SLC25A26: variants seen among roughly 807,000 people sequenced by gnomAD.
SLC25A26 encodes the protein mitochondrial S-adenosylmethionine carrier protein.
In SLC25A26, 36 loss-of-function variants were observed where a neutral mutation model predicts 37.8. That is an observed-to-expected ratio of 0.95 (90% CI 0.73 to 1.26). The LOEUF (loss-of-function observed/expected upper bound fraction) is 1.26. SLC25A26 is among the 50% of genes most tolerant of loss of function. SLC25A26 has a pLI of 0.00. For missense variants in SLC25A26, 390 were observed against 331.1 expected, an observed-to-expected ratio of 1.18 and a Z score of -1.38; for synonymous variants, 129 against 122.5, an observed-to-expected ratio of 1.05 and a Z score of -0.35.
At chr3:66,349,594 T>C (rs995885917) in intron 6 of SLC25A26, among the ~76,000 whole-genome samples, 21 of 152,204 alleles carry the variant, frequency 1.4e-4, no homozygotes, top group African/African-American at 5.1e-4. Flanking sequence ...CTACAATTTA[T>C]TCACTAGTTT....
At chr3:66,274,822 C>A (rs960706674) in intron 5 of SLC25A26, among the ~76,000 whole-genome samples, 1 of 152,094 alleles carries the variant, frequency 6.6e-6, no homozygotes, top group Non-Finnish European at 1.5e-5. Flanking sequence ...ACTAGTTCAA[C>A]CATTGTGGAA....
intron 1 of SLC25A26, among the ~76,000 whole-genome samples, chr3:66,173,334 G>C (rs1318340977): frequency 1.3e-5 from 2 of 152,154 alleles, no homozygotes; most frequent in South Asian, 2.1e-4. Flanking sequence ...TGCAGATTGA[G>C]AGTAGAGGTA....
intron 1 of SLC25A26, among the ~76,000 whole-genome samples, chr3:66,139,269 G>A (rs2069997465): frequency 6.6e-6 from 1 of 152,136 alleles, no homozygotes; most frequent in Admixed American, 6.6e-5. Context: ...GCAAAGCAGG[G>A]TTGCATTAGC....
chr3:66,241,724 G>A (rs149722057), intron 2 of SLC25A26, among the ~76,000 whole-genome samples: 6,434 of 152,140 alleles, frequency 0.042, 157 homozygotes, highest in Non-Finnish European at 0.06. Context: ...ATTGGTTACG[G>A]TTTTAATCTA....
At chr3:66,138,754 G>A (rs1386963336) in intron 1 of SLC25A26, among the ~76,000 whole-genome samples, 1 of 152,082 alleles carries the variant, frequency 6.6e-6, no homozygotes, top group Non-Finnish European at 1.5e-5. Flanking sequence ...AACCGTATTG[G>A]GAGGTCCTGG....
At chr3:66,367,590 G>A (rs1288805007) in intron 7 of SLC25A26, among the ~76,000 whole-genome samples, 1 of 152,114 alleles carries the variant, frequency 6.6e-6, no homozygotes, top group Non-Finnish European at 1.5e-5. Flanking sequence ...CTGTTATTTT[G>A]GTGTATGGGA....
Position 66,274,583 on chromosome 3 carries a change from A to G in SLC25A26, c.453+11204A>G, listed in dbSNP as rs1483806834. On this transcript the variant is annotated intron_variant, in intron 5 of 9. Transcript: ENST00000354883. ...AAAACAAACAACCCCATCAAAAAGT[A>G]GGCAAAGGATATGAACAGACACTTC... Among the ~76,000 whole-genome samples the G allele has an allele frequency of 1.2e-4, 19 of 152,308 alleles. No homozygotes were observed. In the South Asian group the frequency reaches 3.5e-3, roughly 28 times the overall value.
intron 3 of SLC25A26, among the ~76,000 whole-genome samples, chr3:66,259,524 C>T (rs1282867575): frequency 1.3e-5 from 2 of 152,076 alleles, no homozygotes; most frequent in Non-Finnish European, 2.9e-5. Context: ...TTATCCAAAC[C>T]AGAAACAGAA....
chr3:66,173,139 G>T (rs139757641), intron 1 of SLC25A26, among the ~76,000 whole-genome samples: 1 of 152,090 alleles, frequency 6.6e-6, no homozygotes, highest in Non-Finnish European at 1.5e-5. Context: ...CTCCATAATC[G>T]GAAAGATGCA....
At chr3:66,344,934 G>A (rs79625877) in intron 5 of SLC25A26, among the ~76,000 whole-genome samples, 14 of 152,278 alleles carry the variant, frequency 9.2e-5, no homozygotes, top group Middle Eastern at 3.4e-3. Context: ...GTTACACAGC[G>A]TCTTTGAACC....
chr3:66,143,754 C>T (rs2070072660), intron 1 of SLC25A26, among the ~76,000 whole-genome samples: 2 of 152,080 alleles, frequency 1.3e-5, no homozygotes, highest in Non-Finnish European at 1.5e-5. Flanking sequence ...GGTGGTGGTA[C>T]ACACCTGTAG....
At chr3:66,273,052 A>G (rs548530952) in intron 5 of SLC25A26, among the ~76,000 whole-genome samples, 5 of 152,230 alleles carry the variant, frequency 3.3e-5, no homozygotes, top group South Asian at 4.1e-4. Context: ...TGAGATAACC[A>G]TGTGGTTTTT....
At chr3:66,136,692 C>T (rs1480470239) in intron 1 of SLC25A26, among the ~76,000 whole-genome samples, 1 of 152,228 alleles carries the variant, frequency 6.6e-6, no homozygotes, top group African/African-American at 2.4e-5. Context: ...CTCTCTTCTG[C>T]TTTGACTGGG....
At position 66,135,779 on chromosome 3, in the gene SLC25A26, T is replaced by C. The variant is rs372062874; in HGVS notation, c.-354+1795T>C. 9.2e-5 allele frequency among the ~76,000 whole-genome samples: 14 copies of C among 152,138 alleles called. 1 individual carries two copies. The East Asian group carries it at 1.4e-3, about 15-fold the overall frequency. On this transcript the variant is annotated intron_variant, in intron 1 of 10. Transcript: ENST00000676754. ...GCAAAACCCTGTCTCAATAAAAAAA[T>C]AAAGTAAAAAGGTAAGTTTTACAGA...
chr3:66,201,772 T>C (rs1440842306), intron 1 of SLC25A26, among the ~76,000 whole-genome samples: 2 of 152,222 alleles, frequency 1.3e-5, no homozygotes, highest in Non-Finnish European at 2.9e-5. Context: ...TGAGTTGGTT[T>C]TAAGCTCTAT....
intron 5 of SLC25A26, among the ~76,000 whole-genome samples, chr3:66,274,797 T>G (rs1475454055): frequency 1.3e-5 from 2 of 152,084 alleles, no homozygotes; most frequent in African/African-American, 2.4e-5. Flanking sequence ...TTTTACACTG[T>G]TGGTGGGGCT....
intron 3 of SLC25A26, among the ~76,000 whole-genome samples, chr3:66,256,409 A>G (rs2073303496): frequency 6.6e-6 from 1 of 152,116 alleles, no homozygotes; most frequent in South Asian, 2.1e-4. Flanking sequence ...CTCACTTAAA[A>G]TCTTTGGTCC....
At chr3:66,279,109 A>G (rs1022899573) in intron 5 of SLC25A26, among the ~76,000 whole-genome samples, 1 of 152,096 alleles carries the variant, frequency 6.6e-6, no homozygotes, top group African/African-American at 2.4e-5. Context: ...TTGGGGCATG[A>G]GCTTGTCTTT....
At chr3:66,315,689 A>G (rs373260521) in intron 5 of SLC25A26, among the ~76,000 whole-genome samples, 23 of 152,104 alleles carry the variant, frequency 1.5e-4, no homozygotes, top group African/African-American at 5.3e-4. Context: ...TTCTGTCTCA[A>G]TGGTCTATCC....
Sources: gnomAD v4.1 joint callset for allele counts (sites outside exome capture counted in the v4.1 genomes callset) on GRCh38, gnomAD v4.1.1 for gene constraint, MANE v1.5 for transcripts, NCBI Gene and HGNC (gene_info 2026-07-23, HGNC 2026-07-21) for gene names.